The following MKI67 variants were observed in gnomAD, a reference collection of about 807,000 sequenced individuals.
MKI67 encodes proliferation marker protein Ki-67.
In MKI67, 152 loss-of-function variants were observed where a neutral mutation model predicts 233.5. The ratio of observed to expected loss-of-function variants is 0.65; its 90% CI spans 0.57 to 0.74. The LOEUF is 0.74. Ranked by LOEUF, MKI67 falls within the 30% of genes least tolerant of loss-of-function variation. The probability of loss-of-function intolerance (pLI) is 0.00; values close to 1 mark genes in which losing one functional copy is unlikely to be tolerated. For missense variants in MKI67, 3,940 were observed against 3,885.2 expected (o/e 1.01, Z -0.37); for synonymous variants, 1,465 against 1,418.5 (o/e 1.03, Z -0.74).
In MKI67 at chr10:128,105,747, C is replaced by T; in HGVS notation, c.6093G>A (p.Glu2031=). ...TSGKTTQTHR[E]TAGDGKSIKA... ...TGATGCTCTTTCCATCTCCTGCTGT[C>T]TCTCTGTGTGTCTGTGTGGTCTTCC... Residue 2031 remains glutamate (E), a synonymous_variant, in exon 13 of 15, where the codon GAG becomes GAA. Transcript: ENST00000368654. The T allele has an allele frequency of 6.2e-7, 1 of 1,614,158 alleles. No homozygotes were observed. Among genetic ancestry groups the T allele is most frequent in the Non-Finnish European group, 8.5e-7 (1 of 1,180,030 alleles).
Position 128,115,592 on chromosome 10 carries a change from T to A in MKI67, c.816A>T (p.Thr272=). The stretch of plus-strand genomic sequence containing the variant: ...GTAAACCATCAGCACTTTCTTTCTC[T>A]GTTGCGTAATCAGTTTGTAATCCAG... ...RKSGLQTDYA[T]EKESADGLQG... Residue 272 remains threonine, a synonymous_variant, in exon 7 of 15, where the codon ACA becomes ACT. Coordinates refer to ENST00000368654, the MANE Select transcript of MKI67 (RefSeq NM_002417.5). The A allele has an allele frequency of 1.2e-6, 2 of 1,614,242 alleles. No individual in the cohort carries two copies. Among genetic ancestry groups the A allele is most frequent in the Admixed American group, 3.3e-5 (2 of 60,034 alleles).
chr10:128,115,032 T>G lies in MKI67; in HGVS notation c.1376A>C (p.Asp459Ala), dbSNP rs746701919. Residue 459 changes from aspartate (D) to alanine (A), a missense_variant, in exon 7 of 15, where the codon GAT (aspartate) becomes GCT (alanine). By Grantham distance (126) the Asp-to-Ala change is moderately radical. Transcript: ENST00000368654. Reference protein sequence around the residue: ...LTQVERKIQKDSLSKPEKLGT... With the variant: ...LTQVERKIQKASLSKPEKLGT... ...CAATTTCTCAGGCTTGCTGAGGGAA[T>G]CCTTTTGGATCTTCCTCTCAACTTG... The G allele has an allele frequency of 1.2e-6, 2 of 1,612,270 alleles. No individual in the cohort carries two copies. Among genetic ancestry groups the G allele is most frequent in the South Asian group, 2.2e-5 (2 of 91,072 alleles).
chr10:128,116,017 G>A lies in MKI67; in HGVS notation c.401-10C>T. ...TCTTGAGCTTTCTCATCTTGGCAAT[G>A]AATTATGAAATAAGAAACAGAAGTT... On this transcript the variant is annotated splice_polypyrimidine_tract_variant and intron_variant, in intron 6 of 14. Coordinates refer to ENST00000368654, the MANE Select transcript of MKI67 (RefSeq NM_002417.5). The A allele has an allele frequency of 1.3e-6, 2 of 1,553,736 alleles. No individual in the cohort carries two copies. The highest frequency in any genetic ancestry group is 8.6e-7 in the Non-Finnish European group (1 of 1,156,442).
At chr10:128,116,096 G>A (rs1274457100) in intron 6 of MKI67, 89 bp from the exon 7 acceptor site, 2 of 1,443,248 alleles carry the variant, frequency 1.4e-6, no homozygotes, top group Non-Finnish European at 1.8e-6. Context: ...AATTGTTTCA[G>A]GTTGTCTTAT....
At position 128,108,219 on chromosome 10, in the gene MKI67, GCTGCCAGGTAAAGTTC is replaced by G. The variant is rs1565006577; in HGVS notation, c.3605_3620del (p.Gly1202AlafsTer15). 8 of 1,611,500 alleles carry G rather than the reference GCTGCCAGGTAAAGTTC, an allele frequency of 5.0e-6. No homozygotes were observed. ...CCTTAGGAGTCTGTAGCTGTCTTTT[GCTGCCAGGTAAAGTTC>G]CTGCCAGGTCCAGTTTCTGCACTGG... On this transcript the variant is annotated frameshift_variant, in exon 13 of 15. Coordinates refer to ENST00000368654, the MANE Select transcript of MKI67 (RefSeq NM_002417.5). LOFTEE classifies it high-confidence loss of function.
At chr10:128,099,387 G>A in intron 14 of MKI67, 132 bp from the exon 15 acceptor site, 1 of 499,846 alleles carries the variant, frequency 2.0e-6, no homozygotes, top group Admixed American at 4.0e-5. Context: ...TTAATTTTGA[G>A]GTTGGAAATA....
rs752554097 is a variant in MKI67 at position 128,104,579 on chromosome 10, T to G, written c.7261A>C (p.Lys2421Gln). 26 of 1,613,932 alleles carry G rather than the reference T, an allele frequency of 1.6e-5. No individual in the cohort carries two copies. Among genetic ancestry groups the G allele is most frequent in the Non-Finnish European group, 2.2e-5 (26 of 1,180,030 alleles). Reference sequence around the variant, plus strand: ...TCCTTAGGAGTCTGTGGCTGTCTCTTGCTGCCAGGTAAATTTCCTAGCAGG... The same window carrying G: ...TCCTTAGGAGTCTGTGGCTGTCTCTGGCTGCCAGGTAAATTTCCTAGCAGG... ...LDLLGNLPGSKRQPQTPKEKA... is the reference protein window; with the variant it reads ...LDLLGNLPGSQRQPQTPKEKA... Residue 2421 changes from lysine to glutamine, a missense_variant, in exon 13 of 15, where the codon AAG (lysine) becomes CAG (glutamine). Transcript: ENST00000368654.
At chr10:128,111,305 T>C (rs1852669607) in intron 11 of MKI67, among the ~76,000 whole-genome samples, 1 of 152,264 alleles carries the variant, frequency 6.6e-6, no homozygotes, top group Non-Finnish European at 1.5e-5. Context: ...ACACCTGGGA[T>C]AAACTATTAT....
chr10:128,108,602 C>A lies in MKI67; in HGVS notation c.3238G>T (p.Ala1080Ser). Residue 1080 changes from alanine (A) to serine (S), a missense_variant, in exon 13 of 15, where the codon GCC (alanine) becomes TCC (serine). Coordinates refer to ENST00000368654, the MANE Select transcript of MKI67 (RefSeq NM_002417.5). ...ESPKQILDPA[A>S]RVTGMKKWPR... ...CACTTCTTCATTCCAGTTACACGGGCTGCTGGGTCCAGGATCTGCTTTGGA... is the reference window on the plus strand; with the variant it reads ...CACTTCTTCATTCCAGTTACACGGGATGCTGGGTCCAGGATCTGCTTTGGA... 1 of 1,614,194 alleles carries A rather than the reference C, an allele frequency of 6.2e-7. No individual in the cohort carries two copies. The highest frequency in any genetic ancestry group is 8.5e-7 in the Non-Finnish European group (1 of 1,180,034).
At chr10:128,124,509 A>G (rs907972887) in intron 2 of MKI67, among the ~76,000 whole-genome samples, 1 of 152,188 alleles carries the variant, frequency 6.6e-6, no homozygotes, top group African/African-American at 2.4e-5. Context: ...TGTGAGAACC[A>G]CTGTTCTCAA....
rs11016073 is a variant in MKI67 at position 128,105,538 on chromosome 10, A to G, written c.6302T>C (p.Ile2101Thr). ...TTCTGGTGGTGGAGATTTGCAGGCT[A>G]TTTTGGTAGTTTTGTCATCAGTTGT... ...ESTTDDKTTKIACKSPPPESM... is the reference protein window; with the variant it reads ...ESTTDDKTTKTACKSPPPESM... The change falls in exon 13 of 15, where the codon ATA (isoleucine) becomes ACA (threonine). Residue 2101 changes from isoleucine (I) to threonine (T), a missense_variant. Ile to Thr is a moderately conservative substitution (Grantham distance 89). Transcript: ENST00000368654. The G allele has an allele frequency of 0.21, 331,859 of 1,613,594 alleles. 35,476 individuals carry two copies. Among genetic ancestry groups the G allele is most frequent in the Non-Finnish European group, 0.22 (258,734 of 1,179,922 alleles).
At position 128,107,376 on chromosome 10, in the gene MKI67, T is replaced by G. The variant is rs568966838; in HGVS notation, c.4464A>C (p.Lys1488Asn). The G allele has an allele frequency of 6.2e-7, 1 of 1,613,454 alleles. No individual in the cohort carries two copies. Among genetic ancestry groups the G allele is most frequent in the East Asian group, 2.2e-5 (1 of 44,818 alleles). ...VCTDKPTTHE[K>N]TTKIACRSQP... ...GTGATCTGCAGGCTATTTTGGTAGT[T>G]TTCTCGTGAGTCGTGGGCTTGTCAG... The change falls in exon 13 of 15, where the codon AAA becomes AAC. Residue 1488 changes from lysine (K) to asparagine (N), a missense_variant. Physicochemically the swap from Lys to Asn is moderately conservative, Grantham distance 94 (BLOSUM62 0). Coordinates refer to ENST00000368654, the MANE Select transcript of MKI67 (RefSeq NM_002417.5).
rs1167885239 is a variant in MKI67, at chr10:128,109,304, T to C, written c.2536A>G (p.Arg846Gly). The part of the protein sequence containing the change: ...RENGNVAKTP[R>G]NTYKMTSLET... ...AGAGAAGTCATTTTGTAGGTGTTCC[T>C]GGGCGTTTTTGCTACGTTTCCATTT... Residue 846 changes from arginine (R) to glycine (G), a missense_variant, in exon 13 of 15, where the codon AGG (arginine) becomes GGG (glycine). Physicochemically the swap from Arg to Gly is moderately radical, Grantham distance 125. Coordinates refer to ENST00000368654, the MANE Select transcript of MKI67 (RefSeq NM_002417.5). 7 of 1,614,202 alleles carry C rather than the reference T, an allele frequency of 4.3e-6. No homozygotes were observed. In the Admixed American group the frequency reaches 6.7e-5, roughly 15 times the overall value.
chr10:128,120,816 G>A (rs1034032864), intron 4 of MKI67, among the ~76,000 whole-genome samples: 6 of 152,084 alleles, frequency 3.9e-5, no homozygotes, highest in African/African-American at 1.4e-4. Context: ...CAAGCAGAGG[G>A]GAACTGGAGT....
In MKI67 at chr10:128,106,619, G is replaced by C. The variant is rs775816363; in HGVS notation, c.5221C>G (p.Gln1741Glu). 1.9e-6 allele frequency: 3 copies of C among 1,614,244 alleles called. No homozygotes were observed. The highest frequency in any genetic ancestry group is 2.2e-5 in the East Asian group (1 of 44,890). ...KTTKVSYRAS[Q>E]PDLVDTPTSS... ...GTTGGGGTGTCCACTAGGTCTGGCT[G>C]TGAAGCTCTGTAGGATACTTTGGTA... Residue 1741 changes from glutamine (Q) to glutamate (E), a missense_variant, in exon 13 of 15, where the codon CAG becomes GAG. Transcript: ENST00000368654.
rs964083931 is a variant in MKI67, at chr10:128,126,198, C to T, written c.-189G>A. 5.2e-4 allele frequency: 82 copies of T among 157,680 alleles called. 3 individuals carry two copies. Among genetic ancestry groups the T allele is most frequent in the East Asian group, 1.9e-3 (10 of 5,190 alleles). The allele number at this position is 157,680 out of a possible 1,614,324, so 9.8% of individuals were successfully genotyped here. A position where few individuals can be genotyped will look rare whatever the true frequency, so the allele number is the denominator to read the frequency against. On this transcript the variant is annotated 5_prime_UTR_variant, in exon 1 of 15. Coordinates refer to ENST00000368654, the MANE Select transcript of MKI67 (RefSeq NM_002417.5). ...GGAGCCGGCGCCGCGCTCACCTCCG[C>T]CCGGTAAGCTGCGCCCGCCACGCTC...
rs117527859 is a variant in MKI67, at chr10:128,105,830, C to T, written c.6010G>A (p.Gly2004Arg). The change falls in exon 13 of 15, where the codon GGG (glycine) becomes AGG (arginine). Residue 2004 changes from glycine to arginine, a missense_variant. Transcript: ENST00000368654. ...SSKQRLKISL[G>R]KVGVKEEVLP... ...ACCTCTTCTTTCACACCTACTTTCC[C>T]CAAGGATATCTTGAGTCGTTGCTTG... is the stretch of plus-strand genomic sequence containing the variant. 449 of 1,614,094 alleles carry T rather than the reference C, an allele frequency of 2.8e-4. 3 individuals are homozygous for T. In the East Asian group the frequency reaches 9.8e-3, roughly 35 times the overall value.
intron 12 of MKI67, 107 bp from the exon 13 acceptor site, chr10:128,109,530 T>C: frequency 1.6e-6 from 2 of 1,221,378 alleles, no homozygotes; most frequent in Non-Finnish European, 2.2e-6. Flanking sequence ...AGCTTCGTAT[T>C]CACTGAACGA....
At position 128,101,678 on chromosome 10, in the gene MKI67, G is replaced by T. The variant is rs1188929191; in HGVS notation, c.9285C>A (p.Arg3095=). 4 of 1,602,648 alleles carry T rather than the reference G, an allele frequency of 2.5e-6. No individual in the cohort carries two copies. The East Asian group carries it at 8.9e-5, about 36-fold the overall frequency. The change falls in exon 14 of 15, where the codon CGC becomes CGA. Residue 3095 remains arginine (R), a synonymous_variant. Coordinates refer to ENST00000368654, the MANE Select transcript of MKI67 (RefSeq NM_002417.5). Reference sequence around the variant, plus strand: ...GCTGTTCTGCCTCAGTCTTATTTTGGCGTCTGGAGCGCAGGGATATTCCCT... The same window carrying T: ...GCTGTTCTGCCTCAGTCTTATTTTGTCGTCTGGAGCGCAGGGATATTCCCT... ...ENKGISLRSR[R]QNKTEAEQQI...
Sources: allele counts gnomAD v4.1 joint callset (sites outside exome capture counted in the v4.1 genomes callset), GRCh38; gene constraint gnomAD v4.1.1; transcripts MANE v1.5; gene names NCBI Gene and HGNC (gene_info 2026-07-23, HGNC 2026-07-21).